The following IMMP2L variants were observed in gnomAD, a reference collection of about 807,000 sequenced individuals.
IMMP2L encodes the protein mitochondrial inner membrane protease subunit 2.
In IMMP2L, 18 loss-of-function variants were observed where a neutral mutation model predicts 19.3. The ratio of observed to expected loss-of-function variants is 0.93; its 90% CI spans 0.64 to 1.38. The LOEUF (loss-of-function observed/expected upper bound fraction) is 1.38, where lower values mean the gene tolerates loss of function less well. Ranked by LOEUF, IMMP2L falls within the 40% of genes most tolerant of loss-of-function variation. The probability of loss-of-function intolerance (pLI) is 0.00; values close to 1 mark genes in which losing one functional copy is unlikely to be tolerated. For missense variants in IMMP2L, 233 were observed against 218.2 expected, an observed-to-expected ratio of 1.07 and a Z score of -0.43; for synonymous variants, 76 against 73.0, an observed-to-expected ratio of 1.04 and a Z score of -0.21.
intron 3 of IMMP2L, among the ~76,000 whole-genome samples, chr7:111,342,502 G>C (rs1827120115): frequency 6.6e-6 from 1 of 151,916 alleles, no homozygotes; most frequent in African/African-American, 2.4e-5. Flanking sequence ...TGAGGTAGGA[G>C]AATCCCTTGA....
intron 3 of IMMP2L, among the ~76,000 whole-genome samples, chr7:111,239,078 C>CGT (rs1814685054): frequency 6.6e-6 from 1 of 151,880 alleles, no homozygotes; most frequent in African/African-American, 2.4e-5. Context: ...CTGAATAGGA[C>CGT]ATTGTTTTTG....
At chr7:110,794,769 C>T (rs1036661343) in intron 5 of IMMP2L, among the ~76,000 whole-genome samples, 1 of 151,978 alleles carries the variant, frequency 6.6e-6, no homozygotes, top group Non-Finnish European at 1.5e-5. Flanking sequence ...TAGAATCATA[C>T]ATATGAGTTA....
intron 4 of IMMP2L, among the ~76,000 whole-genome samples, chr7:110,918,130 T>C (rs1813830773): frequency 6.6e-6 from 1 of 152,200 alleles, no homozygotes; most frequent in African/African-American, 2.4e-5. Flanking sequence ...TTTCCTTTCC[T>C]ATTTGCTGTA....
At chr7:111,430,080 T>A (rs1255829099) in intron 3 of IMMP2L, among the ~76,000 whole-genome samples, 1 of 151,924 alleles carries the variant, frequency 6.6e-6, no homozygotes, top group African/African-American at 2.4e-5. Context: ...AAATGCATCA[T>A]ATTCTTAAGA....
intron 3 of IMMP2L, among the ~76,000 whole-genome samples, chr7:110,977,160 T>C (rs1325820363): frequency 1.3e-5 from 2 of 151,970 alleles, no homozygotes; most frequent in African/African-American, 4.8e-5. Flanking sequence ...TCAGCAAATA[T>C]ATGCTGAATG....
Position 111,061,443 on chromosome 7 carries a change from G to C in IMMP2L, c.240-97878C>G, listed in dbSNP as rs543609395. 4.6e-5 allele frequency among the ~76,000 whole-genome samples: 7 copies of C among 152,250 alleles called. No homozygotes were observed. In the South Asian group the frequency reaches 1.5e-3, roughly 32 times the overall value. On this transcript the variant is annotated intron_variant, in intron 3 of 5. Transcript: ENST00000405709. ...ACTGCTTGGAGGAGCTGGAAATGAC[G>C]AAGGGGTGAATTTATGAATTCAGAG...
chr7:110,973,940 G>A lies in IMMP2L; in HGVS notation c.240-10375C>T, dbSNP rs75599961. Among the ~76,000 whole-genome samples the A allele has an allele frequency of 4.0e-3, 608 of 152,166 alleles. 4 individuals carry two copies. The highest frequency in any genetic ancestry group is 0.014 in the African/African-American group (583 of 41,538). On this transcript the variant is annotated intron_variant, in intron 3 of 5. Transcript: ENST00000405709. ...TGGGAGATTATTAAGTCAAAATGGG[G>A]CCAAACCGTCATCTTCATGTGTGGA...
At chr7:110,952,379 C>A (rs1203116532) in intron 4 of IMMP2L, among the ~76,000 whole-genome samples, 4 of 152,122 alleles carry the variant, frequency 2.6e-5, no homozygotes, top group Non-Finnish European at 4.4e-5. Flanking sequence ...ACATAAAAAA[C>A]TCCCACACAT....
chr7:110,675,406 C>G (rs985523190), intron 5 of IMMP2L, among the ~76,000 whole-genome samples: 9 of 152,146 alleles, frequency 5.9e-5, no homozygotes, highest in Admixed American at 2.0e-4. Flanking sequence ...TTTTCTCCCC[C>G]CAAATGCAAC....
chr7:111,104,101 T>A (rs1026308934), intron 3 of IMMP2L, among the ~76,000 whole-genome samples: 4 of 151,868 alleles, frequency 2.6e-5, no homozygotes, highest in African/African-American at 9.6e-5. Flanking sequence ...ATCTCTGAGT[T>A]TGGGCCTATA....
Position 110,913,784 on chromosome 7 carries a change from T to C in IMMP2L, c.306-27089A>G, listed in dbSNP as rs142155898. On this transcript the variant is annotated intron_variant, in intron 4 of 5. Transcript: ENST00000405709. The stretch of plus-strand genomic sequence containing the variant: ...GAAGAAAAATGGGTGTCCTTTAAAA[T>C]TGTTTAACGTTAGGAAACAAAAAGA... Among the ~76,000 whole-genome samples, 87 of 152,208 alleles carry C rather than the reference T, an allele frequency of 5.7e-4. 1 individual carries two copies. In the East Asian group the frequency reaches 0.014, roughly 24 times the overall value.
chr7:111,496,381 T>C (rs916404270), intron 2 of IMMP2L, among the ~76,000 whole-genome samples: 1 of 152,138 alleles, frequency 6.6e-6, no homozygotes, highest in African/African-American at 2.4e-5. Flanking sequence ...TGGTTAATTT[T>C]AGGTGTCAAC....
intron 3 of IMMP2L, among the ~76,000 whole-genome samples, chr7:111,372,853 T>C (rs1162442530): frequency 6.6e-6 from 1 of 152,064 alleles, no homozygotes; most frequent in African/African-American, 2.4e-5. Context: ...AGTTTCATTT[T>C]TCTATTTCAA....
intron 3 of IMMP2L, among the ~76,000 whole-genome samples, chr7:111,057,987 C>T (rs1047983141): frequency 6.6e-6 from 1 of 151,892 alleles, no homozygotes; most frequent in Non-Finnish European, 1.5e-5. Context: ...AAAGATTATC[C>T]ACATTTTGTT....
At chr7:111,463,575 A>G (rs566318614) in intron 3 of IMMP2L, among the ~76,000 whole-genome samples, 7 of 152,196 alleles carry the variant, frequency 4.6e-5, no homozygotes, top group African/African-American at 1.4e-4. Flanking sequence ...AACTACATTC[A>G]GCTATCCACA....
chr7:110,714,861 C>A (rs1766238210), intron 5 of IMMP2L, among the ~76,000 whole-genome samples: 1 of 152,168 alleles, frequency 6.6e-6, no homozygotes, highest in South Asian at 2.1e-4. Context: ...TCCCAAAGTG[C>A]TGGGATTACA....
intron 5 of IMMP2L, among the ~76,000 whole-genome samples, chr7:110,763,184 G>T (rs867235839): frequency 6.6e-6 from 1 of 152,132 alleles, no homozygotes; most frequent in African/African-American, 2.4e-5. Flanking sequence ...TACTGAGAGT[G>T]GGGGAAGGAA....
chr7:111,192,009 TGA>T (rs1644175910), intron 3 of IMMP2L, among the ~76,000 whole-genome samples: 1 of 151,920 alleles, frequency 6.6e-6, no homozygotes, highest in African/African-American at 2.4e-5. Context: ...CGAAAGGTAA[TGA>T]GAGCAAACAG....
chr7:111,233,264 G>A (rs2129625213), intron 3 of IMMP2L, among the ~76,000 whole-genome samples: 1 of 152,066 alleles, frequency 6.6e-6, no homozygotes, highest in South Asian at 2.1e-4. Flanking sequence ...AGTAAAAATG[G>A]CCTTATATAA....
Sources: gnomAD v4.1 joint callset for allele counts (sites outside exome capture counted in the v4.1 genomes callset) on GRCh38, gnomAD v4.1.1 for gene constraint, MANE v1.5 for transcripts, NCBI Gene and HGNC (gene_info 2026-07-23, HGNC 2026-07-21) for gene names.